The following TRPM1 variants were observed in gnomAD, a reference collection of about 807,000 sequenced individuals.
TRPM1 encodes TRPM1-203 APA Isoform, Intron 10.
A neutral mutation model predicts 149.4 loss-of-function variants in TRPM1; 113 were observed. The ratio of observed to expected loss-of-function variants is 0.76; its 90% confidence interval spans 0.65 to 0.88. The LOEUF is 0.88. TRPM1 is among the 40% of genes least tolerant of loss of function. The probability of loss-of-function intolerance (pLI) is 0.00; values close to 1 mark genes in which losing one functional copy is unlikely to be tolerated. For missense variants in TRPM1, 1,976 were observed against 2,038.7 expected (o/e 0.97, Z 0.59); for synonymous variants, 741 against 759.5 (o/e 0.98, Z 0.40).
intron 11 of TRPM1, among the ~76,000 whole-genome samples, chr15:31,054,502 C>T (rs1248687020): frequency 6.6e-6 from 1 of 152,086 alleles, no homozygotes; most frequent in Admixed American, 6.6e-5. Flanking sequence ...ACCATGTTGG[C>T]CAGGCTTGTC....
At chr15:31,081,593 T>G (rs567681393) in intron 1 of TRPM1, among the ~76,000 whole-genome samples, 155 bp from the exon 2 acceptor site, 1 of 151,828 alleles carries the variant, frequency 6.6e-6, no homozygotes, top group African/African-American at 2.4e-5. Flanking sequence ...CCCCAACCCC[T>G]GCGCTCTGTT....
chr15:31,088,346 A>T (rs927695992), intron 1 of TRPM1, among the ~76,000 whole-genome samples: 1 of 152,302 alleles, frequency 6.6e-6, no homozygotes, highest in East Asian at 1.9e-4. Flanking sequence ...TTGGTTGTGG[A>T]AGCTTTCTTC....
intron 1 of TRPM1, among the ~76,000 whole-genome samples, chr15:31,130,728 A>G (rs1455911663): frequency 2.0e-5 from 3 of 152,116 alleles, no homozygotes; most frequent in Non-Finnish European, 2.9e-5. Flanking sequence ...CAGGAACTGC[A>G]GTGTGGGAGG....
At chr15:31,017,288 G>T (rs1034419807) in intron 27 of TRPM1, among the ~76,000 whole-genome samples, 1 of 152,148 alleles carries the variant, frequency 6.6e-6, no homozygotes, top group Non-Finnish European at 1.5e-5. Flanking sequence ...CAGCCTGAGC[G>T]ACAGAGCAAG....
Position 31,038,179 on chromosome 15 carries a change from A to G in TRPM1, c.2317-13T>C. ...TCCCCATGATAACCTACGGAACATAAATTGATTTTTTAAGCTGTGGCAATT... is the reference window on the plus strand; with the variant it reads ...TCCCCATGATAACCTACGGAACATAGATTGATTTTTTAAGCTGTGGCAATT... On this transcript the variant is annotated splice_polypyrimidine_tract_variant and intron_variant, in intron 18 of 27. Transcript: ENST00000256552. 6.2e-7 allele frequency: 1 copy of G among 1,613,836 alleles called. No individual in the cohort carries two copies. Among genetic ancestry groups the G allele is most frequent in the Non-Finnish European group, 8.5e-7 (1 of 1,179,840 alleles).
chr15:31,027,228 T>C (rs1194369148), intron 25 of TRPM1, 111 bp from the exon 26 acceptor site: 3 of 923,250 alleles, frequency 3.2e-6, no homozygotes, highest in East Asian at 5.2e-5. Flanking sequence ...GATGGCCTTT[T>C]AGTGCCCTTT....
chr15:31,050,289 G>T, intron 12 of TRPM1, 120 bp downstream of exon 12: 1 of 1,438,982 alleles, frequency 6.9e-7, no homozygotes, highest in Non-Finnish European at 9.7e-7. Flanking sequence ...ACCCAGTCAA[G>T]CCTTTACCCG....
intron 1 of TRPM1, among the ~76,000 whole-genome samples, chr15:31,156,129 G>GGAGGTTGTA (rs1279988978): frequency 1.4e-5 from 2 of 146,518 alleles, no homozygotes; most frequent in Non-Finnish European, 3.0e-5. Context: ...CCTGGGAGGC[G>GGAGGTTGTA]GAGGTTGTAG....
chr15:31,069,074 G>T (rs2034459455), intron 4 of TRPM1, among the ~76,000 whole-genome samples: 2 of 152,178 alleles, frequency 1.3e-5, no homozygotes, highest in South Asian at 4.1e-4. Flanking sequence ...CAATATTTGG[G>T]ACATACTTGT....
chr15:31,099,542 G>A (rs1022554932), intron 1 of TRPM1, among the ~76,000 whole-genome samples: 2 of 152,132 alleles, frequency 1.3e-5, no homozygotes, highest in African/African-American at 4.8e-5. Context: ...TTTTCACTTA[G>A]TTCAGAATGA....
rs566468246 is a variant in TRPM1 at position 31,046,072 on chromosome 15, T to C, written c.1794+132A>G. ...TAAAGAAAATGTATATATGGTCCTT[T>C]TATATAATTTGACTAAGACATCTAG... On this transcript the variant is annotated intron_variant, in intron 16 of 27. Transcript: ENST00000256552. 30 of 799,740 alleles carry C rather than the reference T, an allele frequency of 3.8e-5. No homozygotes were observed. In the African/African-American group the frequency reaches 5.2e-4, roughly 14 times the overall value. The allele number at this position is 799,740 out of a possible 1,614,324, so 49.5% of individuals were successfully genotyped here. A position where few individuals can be genotyped will look rare whatever the true frequency, so the allele number is the denominator to read the frequency against.
intron 16 of TRPM1, among the ~76,000 whole-genome samples, chr15:31,045,422 C>G (rs1031816668): frequency 6.6e-6 from 1 of 152,146 alleles, no homozygotes; most frequent in Non-Finnish European, 1.5e-5. Context: ...TTTTCTAACT[C>G]CCCCCAAATT....
chr15:31,091,700 C>T (rs2035245176), intron 1 of TRPM1, among the ~76,000 whole-genome samples: 1 of 152,160 alleles, frequency 6.6e-6, no homozygotes, highest in African/African-American at 2.4e-5. Flanking sequence ...TCCTCTGGGG[C>T]TGTCCTGACC....
At chr15:31,120,525 A>C (rs1015961884) in intron 1 of TRPM1, among the ~76,000 whole-genome samples, 4 of 152,236 alleles carry the variant, frequency 2.6e-5, no homozygotes, top group African/African-American at 9.6e-5. Context: ...ATATAGTTGC[A>C]TTTAACAGTA....
At chr15:31,144,846 G>C (rs767903965) in intron 1 of TRPM1, among the ~76,000 whole-genome samples, 3 of 151,772 alleles carry the variant, frequency 2.0e-5, no homozygotes, top group Non-Finnish European at 4.4e-5. Context: ...CTCCCGAGGA[G>C]CTGGGATTAC....
At position 31,046,253 on chromosome 15, in the gene TRPM1, GA is replaced by G. The variant is rs746346039; in HGVS notation, c.1765-21del. ...TTTAGGCTGCATGGTGAAAGAGGAA[GA>G]AAAAAAATCAATTTACTTAGATAAC... On this transcript the variant is annotated intron_variant, in intron 15 of 27. Transcript: ENST00000256552. 4.4e-5 allele frequency: 71 copies of G among 1,608,548 alleles called. No homozygotes were observed. The highest frequency in any genetic ancestry group is 1.6e-4 in the Middle Eastern group (1 of 6,068).
intron 16 of TRPM1, among the ~76,000 whole-genome samples, chr15:31,043,550 T>C (rs960430720): frequency 1.3e-5 from 2 of 152,096 alleles, no homozygotes. Flanking sequence ...TAATGGAAAA[T>C]ATAGTATCTT....
At chr15:31,130,785 G>T (rs1386583223) in intron 1 of TRPM1, among the ~76,000 whole-genome samples, 1 of 152,088 alleles carries the variant, frequency 6.6e-6, no homozygotes, top group East Asian at 1.9e-4. Flanking sequence ...ACCAATCAAT[G>T]CTCCGCACTC....
In TRPM1 at chr15:31,035,686, A is replaced by T. The variant is rs780098141; in HGVS notation, c.2572-12T>A. On this transcript the variant is annotated splice_polypyrimidine_tract_variant and intron_variant, in intron 20 of 27. Coordinates refer to ENST00000256552, the MANE Select transcript of TRPM1 (RefSeq NM_001252024.2). Reference sequence around the variant, plus strand: ...CCCAAGTATGATATCTGAAAGAAAGACAAGCTGTTAGCCGTGTTTGGGGGA... The same window carrying T: ...CCCAAGTATGATATCTGAAAGAAAGTCAAGCTGTTAGCCGTGTTTGGGGGA... The T allele has an allele frequency of 1.2e-6, 2 of 1,614,190 alleles. No homozygotes were observed. The highest frequency in any genetic ancestry group is 1.1e-5 in the South Asian group (1 of 91,084).
Sources: gnomAD v4.1 joint callset for allele counts (sites outside exome capture counted in the v4.1 genomes callset) on GRCh38, gnomAD v4.1.1 for gene constraint, MANE v1.5 for transcripts, NCBI Gene and HGNC (gene_info 2026-07-23, HGNC 2026-07-21) for gene names.